TULP4: variants seen among roughly 807,000 people sequenced by gnomAD.
TULP4 encodes TUB like protein 4, also known as tubby-related protein 4.
In TULP4, 16 loss-of-function variants were observed where a neutral mutation model predicts 129.0. That is an observed-to-expected ratio of 0.12 (90% CI 0.08 to 0.19). The LOEUF is 0.19. Ranked by LOEUF, TULP4 falls within the 10% of genes least tolerant of loss-of-function variation. TULP4 has a pLI of 1.00. For synonymous variants in TULP4, 998 were observed against 854.0 expected, an observed-to-expected ratio of 1.17 and a Z score of -2.94; for missense variants, 1,842 against 2,059.1, an observed-to-expected ratio of 0.89 and a Z score of 2.04.
At chr6:158,446,666 C>T (rs911739402) in intron 3 of TULP4, among the ~76,000 whole-genome samples, 1 of 152,168 alleles carries the variant, frequency 6.6e-6, no homozygotes, top group Non-Finnish European at 1.5e-5. Context: ...TAAAATACCA[C>T]AGACCAAGGG....
At chr6:158,372,407 C>T (rs145851173) in intron 1 of TULP4, among the ~76,000 whole-genome samples, 165 of 151,898 alleles carry the variant, frequency 1.1e-3, no homozygotes, top group African/African-American at 3.5e-3. Flanking sequence ...TAACATTGAA[C>T]CACAAGACTT....
chr6:158,294,000 C>T (rs1778987464), intron 1 of TULP4, among the ~76,000 whole-genome samples: 1 of 152,178 alleles, frequency 6.6e-6, no homozygotes, highest in Admixed American at 6.5e-5. Flanking sequence ...GGAAACAAAA[C>T]TACCTCATGC....
chr6:158,374,047 T>A (rs182260274), intron 1 of TULP4, among the ~76,000 whole-genome samples: 4 of 152,296 alleles, frequency 2.6e-5, no homozygotes, highest in African/African-American at 7.2e-5. Flanking sequence ...ACAGACTGTA[T>A]CTTGACTTAT....
intron 1 of TULP4, among the ~76,000 whole-genome samples, chr6:158,408,592 G>C (rs190336619): frequency 3.1e-4 from 47 of 152,172 alleles, no homozygotes; most frequent in African/African-American, 1.1e-3. Context: ...TCAAGCAGAC[G>C]AGGAAAGGGG....
At chr6:158,476,469 C>G (rs889172630) in intron 6 of TULP4, among the ~76,000 whole-genome samples, 1 of 152,166 alleles carries the variant, frequency 6.6e-6, no homozygotes, top group African/African-American at 2.4e-5. Context: ...TTCGCGTCTT[C>G]TCACTCCTGC....
intron 1 of TULP4, among the ~76,000 whole-genome samples, chr6:158,331,784 C>T (rs1455501844): frequency 6.5e-4 from 46 of 70,362 alleles, no homozygotes; most frequent in Non-Finnish European, 7.9e-4. Context: ...TATATACACA[C>T]ACACATACCT....
chr6:158,506,474 G>A (rs1287336096), intron 13 of TULP4, 104 bp from the exon 14 acceptor site: 8 of 777,858 alleles, frequency 1.0e-5, no homozygotes, highest in East Asian at 1.0e-4. Flanking sequence ...GTCGTGATCT[G>A]CCCACCTCGG....
intron 1 of TULP4, among the ~76,000 whole-genome samples, chr6:158,292,883 AC>A (rs1057231149): frequency 3.3e-5 from 5 of 152,146 alleles, no homozygotes; most frequent in African/African-American, 1.2e-4. Context: ...ATTTCTGTGT[AC>A]CCTGTGTGAC....
At chr6:158,253,237 T>C (rs375986513) in intron 1 of TULP4, among the ~76,000 whole-genome samples, 1 of 152,230 alleles carries the variant, frequency 6.6e-6, no homozygotes, top group African/African-American at 2.4e-5. Context: ...TCACCCTCAC[T>C]GTGAGGAAGA....
At chr6:158,417,893 A>G (rs1218960720) in intron 2 of TULP4, among the ~76,000 whole-genome samples, 1 of 152,136 alleles carries the variant, frequency 6.6e-6, no homozygotes, top group East Asian at 1.9e-4. Context: ...ATTATTTTAC[A>G]GTATTAGTCA....
At chr6:158,403,583 G>T (rs1253711092) in intron 1 of TULP4, among the ~76,000 whole-genome samples, 1 of 152,042 alleles carries the variant, frequency 6.6e-6, no homozygotes, top group South Asian at 2.1e-4. Flanking sequence ...CAGGTGATCC[G>T]CCCGCCTCGG....
At chr6:158,360,270 G>A (rs996471376) in intron 1 of TULP4, among the ~76,000 whole-genome samples, 3 of 152,092 alleles carry the variant, frequency 2.0e-5, no homozygotes, top group African/African-American at 4.8e-5. Context: ...GGTGTAGCAC[G>A]ATGCACTCTT....
At chr6:158,368,730 G>A (rs1777001289) in intron 1 of TULP4, among the ~76,000 whole-genome samples, 1 of 152,176 alleles carries the variant, frequency 6.6e-6, no homozygotes, top group South Asian at 2.1e-4. Flanking sequence ...ACAGCCTGGG[G>A]ATGGAATGTA....
rs942099785 is a variant in TULP4 at position 158,288,324 on chromosome 6, A to G, written n.116+5946A>G. ...TTCTGTGGTAGCTCGGACCTCCAGT[A>G]CTGTGTGGTAGTAGGGTTCTCATCT... On this transcript the variant is annotated intron_variant and non_coding_transcript_variant, in intron 1 of 1. Transcript: ENST00000432358. Among the ~76,000 whole-genome samples, 6 of 152,182 alleles carry G rather than the reference A, an allele frequency of 3.9e-5. No individual in the cohort carries two copies. The East Asian group carries it at 1.2e-3, about 29-fold the overall frequency.
In TULP4 at chr6:158,449,257, A is replaced by G. The variant is rs535499504; in HGVS notation, c.724+81A>G. Reference sequence around the variant, plus strand: ...GGAGCAGAGTAGACTGATGTGGAGGAGGGAGGGTGAAGGGCCGCCACACCT... The same window carrying G: ...GGAGCAGAGTAGACTGATGTGGAGGGGGGAGGGTGAAGGGCCGCCACACCT... On this transcript the variant is annotated intron_variant, in intron 4 of 13. Transcript: ENST00000367097. The G allele has an allele frequency of 1.3e-5, 19 of 1,424,984 alleles. No homozygotes were observed. In the South Asian group the frequency reaches 2.8e-4, roughly 21 times the overall value. 88.3% of individuals were successfully genotyped at this position (1,424,984 alleles called of 1,614,324 possible). A position where few individuals can be genotyped will look rare whatever the true frequency, so the allele number is the denominator to read the frequency against.
chr6:158,501,095 A>G (rs1780435036), intron 12 of TULP4, among the ~76,000 whole-genome samples: 1 of 152,174 alleles, frequency 6.6e-6, no homozygotes. Flanking sequence ...AAATTAGGAA[A>G]TGATCCTTCA....
chr6:158,488,901 T>A (rs897001091), intron 8 of TULP4, among the ~76,000 whole-genome samples: 10 of 151,812 alleles, frequency 6.6e-5, no homozygotes, highest in African/African-American at 2.4e-4. Context: ...TGCCCCACAG[T>A]TTTGCCATCA....
chr6:158,292,059 T>C (rs1778951770), intron 1 of TULP4, among the ~76,000 whole-genome samples: 1 of 152,228 alleles, frequency 6.6e-6, no homozygotes, highest in Non-Finnish European at 1.5e-5. Context: ...GGTTGAACCT[T>C]ATCTGGGGGA....
intron 3 of TULP4, among the ~76,000 whole-genome samples, chr6:158,431,513 TGA>T (rs779384350): frequency 2.6e-5 from 4 of 152,064 alleles, no homozygotes; most frequent in African/African-American, 7.2e-5. Flanking sequence ...GATACAGCAG[TGA>T]GAGAGACGCA....
Sources: gnomAD v4.1 joint callset for allele counts (sites outside exome capture counted in the v4.1 genomes callset) on GRCh38, gnomAD v4.1.1 for gene constraint, MANE v1.5 for transcripts, NCBI Gene and HGNC (gene_info 2026-07-23, HGNC 2026-07-21) for gene names.